Variants in OCM observed in about 807,000 individuals in gnomAD.
OCM encodes the protein oncomodulin-1.
A neutral mutation model predicts 14.1 loss-of-function variants in OCM; 18 were observed. The ratio of observed to expected loss-of-function variants is 1.28; its 90% CI spans 0.88 to 1.89. The LOEUF (loss-of-function observed/expected upper bound fraction) is 1.89. OCM is among the 40% of genes most tolerant of loss of function. The pLI, the probability that OCM is intolerant of heterozygous loss-of-function variation, is 0.00. For missense variants in OCM, 140 were observed against 137.6 expected, an observed-to-expected ratio of 1.02 and a Z score of -0.09; for synonymous variants, 48 against 51.0, an observed-to-expected ratio of 0.94 and a Z score of 0.25.
At chr7:5,877,213 C>T (rs1421876635), upstream of OCM, among the ~76,000 whole-genome samples, 1 of 151,998 alleles carries the variant, frequency 6.6e-6, no homozygotes, top group Admixed American at 6.6e-5. Flanking sequence ...GCCTTAATCC[C>T]AGCACTTTGG....
chr7:5,862,813 CCT>C, the OCM span, among the ~76,000 whole-genome samples: 2 of 151,838 alleles, frequency 1.3e-5, no homozygotes, highest in East Asian at 1.9e-4. Flanking sequence ...ATCATGGACT[CCT>C]CTACTCTTTT....
At chr7:5,863,115 T>C in the OCM span, among the ~76,000 whole-genome samples, 1 of 152,240 alleles carries the variant, frequency 6.6e-6, no homozygotes, top group Non-Finnish European at 1.5e-5. Flanking sequence ...GAATGCCTCA[T>C]TGACATGTAA....
At chr7:5,881,521 T>C (rs986781971) in intron 1 of OCM, among the ~76,000 whole-genome samples, 8 of 151,902 alleles carry the variant, frequency 5.3e-5, no homozygotes, top group African/African-American at 1.9e-4. Flanking sequence ...TCCCAGCTAC[T>C]CTGGAAACTA....
At chr7:5,883,556 G>A (rs1234363446) in intron 2 of OCM, among the ~76,000 whole-genome samples, 1 of 151,742 alleles carries the variant, frequency 6.6e-6, no homozygotes, top group African/African-American at 2.4e-5. Context: ...GCATGGTGGG[G>A]TGCACCTGTA....
the OCM span, among the ~76,000 whole-genome samples, chr7:5,861,102 G>T: frequency 3.3e-5 from 5 of 152,084 alleles, no homozygotes; most frequent in Admixed American, 6.6e-5. Flanking sequence ...TTAGCAGGAT[G>T]GGAGGGAGAT....
intron 3 of OCM, among the ~76,000 whole-genome samples, chr7:5,884,714 T>TAAA (rs71008333): frequency 0.026 from 3,869 of 147,094 alleles, 177 homozygotes; most frequent in African/African-American, 0.087. Context: ...AGATGCTTAT[T>TAAA]AAAAAAAAAA....
chr7:5,860,278 C>G, the OCM span, among the ~76,000 whole-genome samples: 150,650 of 151,158 alleles, frequency 1, 75,071 homozygotes, highest in Middle Eastern at 1. Flanking sequence ...GCGTCCTATA[C>G]CATTTTGTTT....
the OCM span, among the ~76,000 whole-genome samples, chr7:5,863,280 C>T: frequency 2.0e-5 from 3 of 152,124 alleles, no homozygotes; most frequent in Non-Finnish European, 4.4e-5. Flanking sequence ...GTCACAGATG[C>T]TCCTGTGGCT....
chr7:5,881,035 G>A (rs1401792561), intron 1 of OCM, 85 bp downstream of exon 1: 8 of 1,393,586 alleles, frequency 5.7e-6, no homozygotes, highest in Admixed American at 5.1e-5. Flanking sequence ...TGTAGGCCAG[G>A]CGGCCAGACG....
chr7:5,869,814 C>T, the OCM span, among the ~76,000 whole-genome samples: 1 of 152,116 alleles, frequency 6.6e-6, no homozygotes, highest in African/African-American at 2.4e-5. Flanking sequence ...CTCGGAAGCA[C>T]TCAACTTGCC....
chr7:5,880,266 G>A (rs148385425), upstream of OCM, among the ~76,000 whole-genome samples: 1,057 of 152,254 alleles, frequency 6.9e-3, 5 homozygotes, highest in Middle Eastern at 0.024. Context: ...GGCTGCCTAT[G>A]CAAATGACTG....
At chr7:5,874,621 C>G in the OCM span, among the ~76,000 whole-genome samples, 1 of 152,042 alleles carries the variant, frequency 6.6e-6, no homozygotes, top group Non-Finnish European at 1.5e-5. Context: ...CCTCCCACCT[C>G]AGCCTCCCGA....
the OCM span, among the ~76,000 whole-genome samples, chr7:5,874,653 C>T: frequency 9.2e-5 from 14 of 151,904 alleles, no homozygotes; most frequent in East Asian, 1.9e-4. Flanking sequence ...CATAGGTGCA[C>T]GCAACCATGT....
chr7:5,878,826 C>G (rs1384685962), upstream of OCM, among the ~76,000 whole-genome samples: 2 of 143,076 alleles, frequency 1.4e-5, no homozygotes, highest in Non-Finnish European at 3.0e-5. Context: ...AAAGAACAGT[C>G]TAGCACAGTG....
rs10581848 is a variant in OCM, at chr7:5,882,840, CTTT to C, written c.194+233_194+235del. On this transcript the variant is annotated intron_variant, in intron 2 of 3. Transcript: ENST00000242104. ...AGAGAAGACTGCAGGTGCAAAGATTCTTTTTTTTTTTTTTTTTTTTGAGACAGG... is the reference window on the plus strand; with the variant it reads ...AGAGAAGACTGCAGGTGCAAAGATTCTTTTTTTTTTTTTTTTTGAGACAGG... 4.0e-3 allele frequency among the ~76,000 whole-genome samples: 480 copies of C among 119,460 alleles called. 3 individuals carry two copies. Among genetic ancestry groups the C allele is most frequent in the Middle Eastern group, 0.021 (5 of 236 alleles). 78.4% of individuals were successfully genotyped at this position (119,460 alleles called of 152,430 possible).
the OCM span, among the ~76,000 whole-genome samples, chr7:5,861,923 A>G: frequency 3.9e-5 from 6 of 151,908 alleles, no homozygotes; most frequent in Non-Finnish European, 5.9e-5. Flanking sequence ...GGGTCTTGCT[A>G]TGTTACCCAG....
At chr7:5,862,101 G>A in the OCM span, among the ~76,000 whole-genome samples, 5 of 152,074 alleles carry the variant, frequency 3.3e-5, no homozygotes, top group Non-Finnish European at 7.4e-5. Context: ...GATGAATAAC[G>A]TTAAGCATCT....
the OCM span, among the ~76,000 whole-genome samples, chr7:5,871,182 C>A: frequency 3.4e-5 from 5 of 147,122 alleles, no homozygotes; most frequent in East Asian, 5.9e-4. Flanking sequence ...GCCCCCCCCC[C>A]GTCTCTACAA....
intron 1 of OCM, among the ~76,000 whole-genome samples, chr7:5,881,560 G>A (rs1200062692): frequency 6.6e-6 from 1 of 152,032 alleles, no homozygotes; most frequent in Non-Finnish European, 1.5e-5. Flanking sequence ...AGCCCAGGAG[G>A]TTGAGGCTGT....
Sources: gnomAD v4.1 joint callset for allele counts (sites outside exome capture counted in the v4.1 genomes callset) on GRCh38, gnomAD v4.1.1 for gene constraint, MANE v1.5 for transcripts, NCBI Gene and HGNC (gene_info 2026-07-23, HGNC 2026-07-21) for gene names.